NOL4L: variants seen among roughly 807,000 people sequenced by gnomAD.
NOL4L encodes nucleolar protein 4-like.
NOL4L carries 7 observed loss-of-function variants against 64.5 expected under a neutral mutation model. The ratio of observed to expected loss-of-function variants is 0.11; its 90% CI spans 0.06 to 0.20. NOL4L has a LOEUF of 0.20. NOL4L is among the 10% of genes least tolerant of loss of function. NOL4L has a pLI of 1.00. For missense variants in NOL4L, 680 were observed against 967.1 expected (o/e 0.70, Z 3.94); for synonymous variants, 413 against 401.0 (o/e 1.03, Z -0.36).
intron 4 of NOL4L, among the ~76,000 whole-genome samples, chr20:32,503,099 C>G (rs972708582): frequency 6.6e-6 from 1 of 152,162 alleles, no homozygotes; most frequent in African/African-American, 2.4e-5. Flanking sequence ...AGCAGAAATG[C>G]TCCAAGGATT....
At chr20:32,500,534 C>CTAGAGACCTGGTT (rs1568661344) in intron 4 of NOL4L, among the ~76,000 whole-genome samples, 1 of 109,224 alleles carries the variant, frequency 9.2e-6, no homozygotes, top group Non-Finnish European at 1.8e-5. Flanking sequence ...TTTTGTATTT[C>CTAGAGACCTGGTT]TTTCTTTTTT....
intron 1 of NOL4L, among the ~76,000 whole-genome samples, chr20:32,569,405 A>C (rs1277219726): frequency 6.6e-6 from 1 of 152,224 alleles, no homozygotes; most frequent in Non-Finnish European, 1.5e-5. Context: ...CATTTTTAAC[A>C]CAGCACTTTG....
intron 1 of NOL4L, among the ~76,000 whole-genome samples, chr20:32,582,295 G>A (rs888807737): frequency 6.6e-6 from 1 of 152,186 alleles, no homozygotes; most frequent in Non-Finnish European, 1.5e-5. Flanking sequence ...CCCTTGGGGA[G>A]GGCTCATTAT....
chr20:32,583,992 G>A (rs1274804573), intron 1 of NOL4L, among the ~76,000 whole-genome samples: 1 of 148,524 alleles, frequency 6.7e-6, no homozygotes, highest in Non-Finnish European at 1.5e-5. Context: ...CCCTCCCCGG[G>A]CCAGCCCCGG....
chr20:32,490,139 A>AC (rs1568651209), intron 4 of NOL4L, among the ~76,000 whole-genome samples: 2 of 144,756 alleles, frequency 1.4e-5, no homozygotes, highest in African/African-American at 2.7e-5. Context: ...AAAAAAAAAA[A>AC]AAAAAATATA....
chr20:32,573,639 A>G, intron 1 of NOL4L: 1 of 220,848 alleles, frequency 4.5e-6, no homozygotes, highest in Non-Finnish European at 9.3e-6. Context: ...CAGATGAGGA[A>G]ACTGAGGCTC....
chr20:32,475,740 CCT>C (rs1303682023), intron 4 of NOL4L, among the ~76,000 whole-genome samples: 1 of 152,160 alleles, frequency 6.6e-6, no homozygotes, highest in East Asian at 1.9e-4. Flanking sequence ...CCAGTGAGGA[CCT>C]CTGACAGAGC....
At chr20:32,527,442 G>C (rs1248887203) in intron 2 of NOL4L, among the ~76,000 whole-genome samples, 4 of 152,152 alleles carry the variant, frequency 2.6e-5, no homozygotes, top group Admixed American at 2.6e-4. Flanking sequence ...AAGGGGCTGG[G>C]GGTGGTGTCG....
rs376588401 is a variant in NOL4L at position 32,452,895 on chromosome 20, G to C, written c.1609C>G (p.Gln537Glu). 5.7e-5 allele frequency: 92 copies of C among 1,613,882 alleles called. No individual in the cohort carries two copies. Among genetic ancestry groups the C allele is most frequent in the Non-Finnish European group, 7.5e-5 (89 of 1,180,028 alleles). The change falls in exon 9 of 11, where the codon CAG (glutamine) becomes GAG (glutamate). Residue 537 changes from glutamine to glutamate, a missense_variant. By Grantham distance (29) the Gln-to-Glu change is conservative. Coordinates refer to ENST00000621426, the MANE Select transcript of NOL4L (RefSeq NM_001256798.2). ...AAKRMRLEIYQSSQDEPIALD... is the reference protein window; with the variant it reads ...AAKRMRLEIYESSQDEPIALD... ...GCGGTGGCAGGTACCTGTGAGGACTGGTAGATCTCTAGACGCATCCGCTTG... is the reference window on the plus strand; with the variant it reads ...GCGGTGGCAGGTACCTGTGAGGACTCGTAGATCTCTAGACGCATCCGCTTG...
At chr20:32,530,371 C>T (rs1476789673) in intron 1 of NOL4L, among the ~76,000 whole-genome samples, 1 of 151,994 alleles carries the variant, frequency 6.6e-6, no homozygotes, top group African/African-American at 2.4e-5. Flanking sequence ...GAAACCCTGT[C>T]TCTACTAAAA....
chr20:32,486,630 G>A (rs758138688), intron 4 of NOL4L: 3 of 454,774 alleles, frequency 6.6e-6, no homozygotes, highest in East Asian at 7.0e-5. Flanking sequence ...GTTCAAGCAC[G>A]TCAAAACATT....
Position 32,490,144 on chromosome 20 carries a change from A to AAAAAT in NOL4L, c.700-15403_700-15402insATTTT, listed in dbSNP as rs543768294. ...ACTCCATCTCAAAAAAAAAAAAAAA[A>AAAAAT]ATATATATACACATATATATATGTA... On this transcript the variant is annotated intron_variant, in intron 4 of 10. Coordinates refer to ENST00000621426, the MANE Select transcript of NOL4L (RefSeq NM_001256798.2). Among the ~76,000 whole-genome samples the AAAAAT allele has an allele frequency of 1.7e-4, 21 of 122,204 alleles. 1 individual carries two copies. The highest frequency in any genetic ancestry group is 6.7e-4 in the African/African-American group (21 of 31,454). 80.2% of individuals were successfully genotyped at this position (122,204 alleles called of 152,430 possible).
chr20:32,563,507 G>A (rs1467209030), intron 1 of NOL4L, among the ~76,000 whole-genome samples: 1 of 152,008 alleles, frequency 6.6e-6, no homozygotes, highest in African/African-American at 2.4e-5. Context: ...CTTTTCCACT[G>A]CCTGCGCTGC....
intron 1 of NOL4L, among the ~76,000 whole-genome samples, chr20:32,574,791 G>GGACA (rs1568721919): frequency 1.3e-5 from 2 of 151,872 alleles, no homozygotes; most frequent in East Asian, 3.9e-4. Context: ...CCTAAGTCAC[G>GGACA]GGGTCCCCTC....
intron 1 of NOL4L, among the ~76,000 whole-genome samples, chr20:32,531,558 G>A (rs899013994): frequency 1.3e-5 from 2 of 151,978 alleles, no homozygotes; most frequent in African/African-American, 4.8e-5. Context: ...TCACCATGTT[G>A]GCCAGGCTGA....
intron 1 of NOL4L, chr20:32,537,120 A>G: frequency 1.0e-6 from 1 of 984,992 alleles, no homozygotes; most frequent in Non-Finnish European, 1.2e-6. Context: ...CGATCTTGCC[A>G]GCTCTCCTTC....
At chr20:32,546,588 C>A (rs2018736639) in intron 1 of NOL4L, among the ~76,000 whole-genome samples, 2 of 152,184 alleles carry the variant, frequency 1.3e-5, no homozygotes, top group Non-Finnish European at 2.9e-5. Context: ...CAGGCATTTG[C>A]CACCATCCCT....
chr20:32,521,659 G>C (rs2017939345), intron 2 of NOL4L, among the ~76,000 whole-genome samples: 1 of 152,290 alleles, frequency 6.6e-6, no homozygotes, highest in Non-Finnish European at 1.5e-5. Context: ...AAAGAAGGGA[G>C]GGAACATGAA....
At chr20:32,485,084 A>G (rs1445588319) in intron 4 of NOL4L, among the ~76,000 whole-genome samples, 7 of 145,756 alleles carry the variant, frequency 4.8e-5, no homozygotes, top group South Asian at 4.3e-4. Context: ...AAAAAAAAAA[A>G]AAACAACTAA....
Sources: gnomAD v4.1 joint callset for allele counts (sites outside exome capture counted in the v4.1 genomes callset) on GRCh38, gnomAD v4.1.1 for gene constraint, MANE v1.5 for transcripts, NCBI Gene and HGNC (gene_info 2026-07-23, HGNC 2026-07-21) for gene names.